The following RAD51B variants were observed in gnomAD, a reference collection of about 807,000 sequenced individuals.
The protein encoded by RAD51B is RAD51 paralog B.
In RAD51B, 38 loss-of-function variants were observed where a neutral mutation model predicts 42.2. The ratio of observed to expected loss-of-function variants is 0.90; its 90% CI spans 0.70 to 1.18. The LOEUF (loss-of-function observed/expected upper bound fraction) is 1.18. Among genes scored for constraint, RAD51B ranks in the 50% most tolerant of loss-of-function variants. RAD51B has a pLI of 0.00. For missense variants in RAD51B, 373 were observed against 400.7 expected, an observed-to-expected ratio of 0.93 and a Z score of 0.59; for synonymous variants, 154 against 145.2, an observed-to-expected ratio of 1.06 and a Z score of -0.43.
At chr14:68,021,442 T>C (rs2075864532) in intron 7 of RAD51B, among the ~76,000 whole-genome samples, 1 of 152,240 alleles carries the variant, frequency 6.6e-6, no homozygotes, top group Middle Eastern at 3.2e-3. Flanking sequence ...TTCCCATATC[T>C]TCACTGTCAC....
chr14:68,648,023 G>GCA (rs1892598858), intron 10 of RAD51B, among the ~76,000 whole-genome samples: 1 of 28,634 alleles, frequency 3.5e-5, no homozygotes, highest in Non-Finnish European at 7.2e-5. Context: ...ATATATATAC[G>GCA]TATATATATA....
At chr14:67,850,321 A>C (rs1286172419) in intron 4 of RAD51B, among the ~76,000 whole-genome samples, 1 of 152,164 alleles carries the variant, frequency 6.6e-6, no homozygotes, top group East Asian at 1.9e-4. Flanking sequence ...AGATATTTTC[A>C]TGCAGGTAGG....
At chr14:68,254,506 T>G (rs536142368) in intron 7 of RAD51B, among the ~76,000 whole-genome samples, 14 of 152,344 alleles carry the variant, frequency 9.2e-5, no homozygotes, top group Admixed American at 9.1e-4. Context: ...ACAGATCAGA[T>G]AGTTAATCTT....
intron 7 of RAD51B, among the ~76,000 whole-genome samples, chr14:68,189,106 T>C (rs2079213461): frequency 6.6e-6 from 1 of 151,992 alleles, no homozygotes; most frequent in Non-Finnish European, 1.5e-5. Context: ...TTGCTGCATA[T>C]GTATTATATT....
chr14:68,041,065 G>A (rs2076209637), intron 7 of RAD51B, among the ~76,000 whole-genome samples: 1 of 152,154 alleles, frequency 6.6e-6, no homozygotes, highest in Non-Finnish European at 1.5e-5. Context: ...TTGGATCATG[G>A]GGGTGAATTT....
chr14:68,200,422 A>G (rs1439348415), intron 7 of RAD51B, among the ~76,000 whole-genome samples: 1 of 152,184 alleles, frequency 6.6e-6, no homozygotes, highest in Non-Finnish European at 1.5e-5. Context: ...ACCCACTAAA[A>G]CTTCATTTTA....
intron 10 of RAD51B, among the ~76,000 whole-genome samples, chr14:68,621,688 C>A (rs12882449): frequency 6.6e-6 from 1 of 152,012 alleles, no homozygotes; most frequent in African/African-American, 2.4e-5. Context: ...CTTTCTCCTA[C>A]GGGAGAAAAA....
chr14:68,110,745 A>G (rs773390082), intron 7 of RAD51B, among the ~76,000 whole-genome samples: 10 of 152,002 alleles, frequency 6.6e-5, no homozygotes, highest in Non-Finnish European at 1.3e-4. Context: ...AGAGAACTAT[A>G]CCTTAGCATT....
intron 11 of RAD51B, among the ~76,000 whole-genome samples, chr14:68,680,215 T>G (rs72729580): frequency 6.6e-6 from 1 of 152,306 alleles, no homozygotes; most frequent in Non-Finnish European, 1.5e-5. Context: ...CAACAATAAA[T>G]CAAGCCCTGA....
intron 7 of RAD51B, among the ~76,000 whole-genome samples, chr14:68,051,126 A>T (rs546284027): frequency 2.8e-4 from 43 of 152,100 alleles, no homozygotes; most frequent in Admixed American, 2.0e-3. Flanking sequence ...ACTAAAAGGG[A>T]AAGTTACCAG....
chr14:67,981,873 C>T (rs2075099606), intron 7 of RAD51B, among the ~76,000 whole-genome samples: 1 of 152,178 alleles, frequency 6.6e-6, no homozygotes, highest in African/African-American at 2.4e-5. Flanking sequence ...TTTTAACTAT[C>T]TTAACTGTGA....
intron 7 of RAD51B, among the ~76,000 whole-genome samples, chr14:67,930,507 T>G (rs1006273842): frequency 6.6e-6 from 1 of 152,174 alleles, no homozygotes; most frequent in Non-Finnish European, 1.5e-5. Flanking sequence ...TTTTGGCACT[T>G]TGAATATATA....
intron 10 of RAD51B, among the ~76,000 whole-genome samples, chr14:68,592,785 T>C (rs1890813378): frequency 1.3e-5 from 2 of 152,264 alleles, no homozygotes; most frequent in Non-Finnish European, 2.9e-5. Flanking sequence ...CAGAGCATTT[T>C]GGCATTGATT....
At chr14:67,821,740 G>A (rs1238553345) in intron 1 of RAD51B, among the ~76,000 whole-genome samples, 1 of 152,176 alleles carries the variant, frequency 6.6e-6, no homozygotes, top group African/African-American at 2.4e-5. Flanking sequence ...GGGATTGTAG[G>A]CGTGAGCTAC....
At chr14:68,450,880 A>G (rs537810866) in intron 9 of RAD51B, among the ~76,000 whole-genome samples, 48 of 152,334 alleles carry the variant, frequency 3.2e-4, no homozygotes, top group Admixed American at 7.2e-4. Context: ...ATGAAACTGT[A>G]AAAGGCCCCT....
intron 7 of RAD51B, among the ~76,000 whole-genome samples, chr14:68,129,810 A>G (rs936345730): frequency 2.0e-5 from 3 of 152,202 alleles, no homozygotes; most frequent in Admixed American, 2.0e-4. Flanking sequence ...CCCTATCCCC[A>G]GATGCTTATG....
Position 68,461,274 on chromosome 14 carries a change from G to A in RAD51B, c.958-6898G>A, listed in dbSNP as rs1295149437. Among the ~76,000 whole-genome samples the A allele has an allele frequency of 2.0e-5, 3 of 148,144 alleles. No individual in the cohort carries two copies. The Admixed American group carries it at 2.1e-4, about 10-fold the overall frequency. On this transcript the variant is annotated intron_variant, in intron 9 of 10. Transcript: ENST00000471583. ...TGGAAGCTTGCGAACAGCTGAGGCAGCCCGCACGGATACCCTGTCCAGCTC... is the reference window on the plus strand; with the variant it reads ...TGGAAGCTTGCGAACAGCTGAGGCAACCCGCACGGATACCCTGTCCAGCTC...
At chr14:68,131,410 T>C (rs1566668839) in intron 7 of RAD51B, among the ~76,000 whole-genome samples, 1 of 152,140 alleles carries the variant, frequency 6.6e-6, no homozygotes, top group Non-Finnish European at 1.5e-5. Flanking sequence ...AAGATGGACA[T>C]ATTCGCTGGG....
intron 9 of RAD51B, among the ~76,000 whole-genome samples, chr14:68,429,631 G>A (rs1419631319): frequency 6.6e-6 from 1 of 152,106 alleles, no homozygotes; most frequent in African/African-American, 2.4e-5. Flanking sequence ...TGAGTTCTTT[G>A]TAGATTGTGG....
Sources: gnomAD v4.1 joint callset for allele counts (sites outside exome capture counted in the v4.1 genomes callset) on GRCh38, gnomAD v4.1.1 for gene constraint, MANE v1.5 for transcripts, NCBI Gene and HGNC (gene_info 2026-07-23, HGNC 2026-07-21) for gene names.